PARD3B: variants seen among roughly 807,000 people sequenced by gnomAD.
PARD3B encodes par-3 family cell polarity regulator beta, also known as partitioning defective 3 homolog B.
In PARD3B, 103 loss-of-function variants were observed where a neutral mutation model predicts 130.2. That is an observed-to-expected ratio of 0.79 (90% CI 0.67 to 0.93). The LOEUF (loss-of-function observed/expected upper bound fraction) is 0.93. Ranked by LOEUF, PARD3B falls within the 40% of genes least tolerant of loss-of-function variation. PARD3B has a pLI of 0.00. For missense variants in PARD3B, 1,609 were observed against 1,499.2 expected (o/e 1.07, Z -1.21); for synonymous variants, 583 against 553.2 (o/e 1.05, Z -0.76).
At chr2:205,064,003 G>A (rs1033555815) in intron 4 of PARD3B, among the ~76,000 whole-genome samples, 6 of 152,128 alleles carry the variant, frequency 3.9e-5, no homozygotes, top group Non-Finnish European at 5.9e-5. Context: ...AAAGGGAAGT[G>A]AGGTAAAAAC....
chr2:205,076,331 G>A (rs893385616), intron 4 of PARD3B, among the ~76,000 whole-genome samples: 3 of 152,160 alleles, frequency 2.0e-5, no homozygotes, highest in Non-Finnish European at 2.9e-5. Flanking sequence ...AAAACTTCTG[G>A]ATAATAACTT....
At chr2:205,286,515 A>G (rs536781418) in intron 16 of PARD3B, among the ~76,000 whole-genome samples, 1 of 152,312 alleles carries the variant, frequency 6.6e-6, no homozygotes, top group East Asian at 1.9e-4. Flanking sequence ...TCTTGTTGTT[A>G]AGCACCCTAG....
At chr2:205,214,735 G>T (rs548826492) in intron 15 of PARD3B, among the ~76,000 whole-genome samples, 1 of 152,022 alleles carries the variant, frequency 6.6e-6, no homozygotes, top group Non-Finnish European at 1.5e-5. Flanking sequence ...CCCTACGTTC[G>T]CATGACCCAG....
At chr2:205,134,736 A>G (rs1224520954) in intron 10 of PARD3B, among the ~76,000 whole-genome samples, 1 of 152,178 alleles carries the variant, frequency 6.6e-6, no homozygotes, top group Non-Finnish European at 1.5e-5. Context: ...CTACTGAACT[A>G]TTGTCAGCAA....
chr2:205,553,485 G>A (rs2052740647), intron 22 of PARD3B, 82 bp downstream of exon 22: 1 of 1,409,304 alleles, frequency 7.1e-7, no homozygotes, highest in African/African-American at 1.4e-5. Context: ...AGAAATTCTG[G>A]CTTTGAAATA....
At chr2:204,813,402 G>A (rs1575049305) in intron 2 of PARD3B, among the ~76,000 whole-genome samples, 2 of 152,114 alleles carry the variant, frequency 1.3e-5, no homozygotes, top group East Asian at 1.9e-4. Flanking sequence ...AGTTTTCATA[G>A]TTCTTTATAC....
chr2:205,533,846 G>A (rs972746358), intron 21 of PARD3B, among the ~76,000 whole-genome samples: 1 of 152,016 alleles, frequency 6.6e-6, no homozygotes, highest in Non-Finnish European at 1.5e-5. Flanking sequence ...TTCCACCTCG[G>A]CCTCCCAAGT....
At chr2:204,748,006 C>T (rs1306227932) in intron 2 of PARD3B, among the ~76,000 whole-genome samples, 2 of 151,960 alleles carry the variant, frequency 1.3e-5, no homozygotes, top group Non-Finnish European at 2.9e-5. Context: ...TGGGAGATGA[C>T]AGGCCTTGGG....
intron 1 of PARD3B, among the ~76,000 whole-genome samples, chr2:204,578,137 T>G (rs1267446620): frequency 6.6e-6 from 1 of 152,206 alleles, no homozygotes; most frequent in African/African-American, 2.4e-5. Flanking sequence ...AACCCTGTTT[T>G]TAGAGTGTTT....
Position 204,610,338 on chromosome 2 carries a change from A to G in PARD3B, c.120+64219A>G, listed in dbSNP as rs376961676. ...TTTACAATGATTTGTTAAGTAGTCT[A>G]TCGGCATTATTCTGACTTATTGTTC... On this transcript the variant is annotated intron_variant, in intron 1 of 22. Transcript: ENST00000406610. The surrounding 1 kb of genome is among the most constrained non-coding windows in gnomAD (Gnocchi z 4.1). Among the ~76,000 whole-genome samples the G allele has an allele frequency of 5.3e-5, 8 of 152,202 alleles. No homozygotes were observed. Among genetic ancestry groups the G allele is most frequent in the Admixed American group, 4.6e-4 (7 of 15,278 alleles).
chr2:205,530,837 C>T lies in PARD3B; in HGVS notation c.3181-22487C>T, dbSNP rs1434364964. ...GAAATGGGGAAGAAAGAAACGATGA[C>T]TCTAGAGGCATGACCCACCTGGATA... On this transcript the variant is annotated intron_variant, in intron 21 of 22. Transcript: ENST00000406610. This position sits in a 1 kb window ranked among gnomAD's most constrained non-coding sequence, Gnocchi z 4.7. Among the ~76,000 whole-genome samples the T allele has an allele frequency of 6.6e-6, 1 of 152,142 alleles. No homozygotes were observed. Among genetic ancestry groups the T allele is most frequent in the Non-Finnish European group, 1.5e-5 (1 of 68,038 alleles).
intron 3 of PARD3B, among the ~76,000 whole-genome samples, chr2:204,990,173 A>G (rs910541033): frequency 2.0e-5 from 3 of 152,066 alleles, no homozygotes; most frequent in African/African-American, 7.2e-5. Flanking sequence ...GTAATTATTG[A>G]CCATTCAGAT....
At chr2:204,633,332 C>T (rs1012211188) in intron 1 of PARD3B, among the ~76,000 whole-genome samples, 2 of 152,164 alleles carry the variant, frequency 1.3e-5, no homozygotes, top group African/African-American at 4.8e-5. Flanking sequence ...TACCCCCCAA[C>T]ATCCCTAGAT....
At chr2:204,918,357 G>A (rs1429860217) in intron 2 of PARD3B, among the ~76,000 whole-genome samples, 1 of 152,032 alleles carries the variant, frequency 6.6e-6, no homozygotes, top group Non-Finnish European at 1.5e-5. Flanking sequence ...TTGGCCGGGC[G>A]CAGTGGCTCA....
intron 3 of PARD3B, among the ~76,000 whole-genome samples, chr2:204,992,747 AT>A (rs1202669855): frequency 7.5e-6 from 1 of 133,832 alleles, no homozygotes; most frequent in African/African-American, 2.8e-5. Flanking sequence ...GTCCTCTTTT[AT>A]TTCCTTGAGC....
At chr2:205,615,431 CAT>C (rs775238328) in intron 22 of PARD3B, 23 bp from the exon 23 acceptor site, 2 of 1,552,766 alleles carry the variant, frequency 1.3e-6, no homozygotes, top group Non-Finnish European at 1.7e-6. Context: ...GAGCTGCTAA[CAT>C]GTGTCTCTTC....
At chr2:205,509,879 C>T (rs1366414737) in intron 21 of PARD3B, among the ~76,000 whole-genome samples, 1 of 152,206 alleles carries the variant, frequency 6.6e-6, no homozygotes, top group Non-Finnish European at 1.5e-5. Flanking sequence ...TGGGTCTGCC[C>T]TCTGTGGCCC....
At chr2:205,217,451 A>T (rs2125862251) in intron 15 of PARD3B, among the ~76,000 whole-genome samples, 1 of 152,294 alleles carries the variant, frequency 6.6e-6, no homozygotes, top group South Asian at 2.1e-4. Flanking sequence ...AGCTTGGCCA[A>T]TTATATTTAA....
At chr2:205,055,667 G>A (rs1412827156) in intron 4 of PARD3B, among the ~76,000 whole-genome samples, 1 of 152,028 alleles carries the variant, frequency 6.6e-6, no homozygotes, top group Non-Finnish European at 1.5e-5. Context: ...TTGTTCTTAG[G>A]GACTTATCCA....
Sources: gnomAD v4.1 joint callset for allele counts (sites outside exome capture counted in the v4.1 genomes callset) on GRCh38, gnomAD v4.1.1 for gene constraint, Gnocchi (gnomAD v3.1) non-coding constraint, MANE v1.5 for transcripts, NCBI Gene and HGNC (gene_info 2026-07-23, HGNC 2026-07-21) for gene names.